The following AHDC1 variants were observed in gnomAD, a reference collection of about 807,000 sequenced individuals.
The protein encoded by AHDC1 is transcription factor Gibbin.
AHDC1 carries 7 observed loss-of-function variants against 87.9 expected under a neutral mutation model. The ratio of observed to expected loss-of-function variants is 0.08; its 90% CI spans 0.05 to 0.15. The LOEUF is 0.15. AHDC1 is among the 10% of genes least tolerant of loss of function. The probability of loss-of-function intolerance (pLI) is 1.00; values close to 1 mark genes in which losing one functional copy is unlikely to be tolerated. For synonymous variants in AHDC1, 1,051 were observed against 1,006.8 expected, an observed-to-expected ratio of 1.04 and a Z score of -0.83; for missense variants, 1,841 against 2,253.2, an observed-to-expected ratio of 0.82 and a Z score of 3.70.
chr1:27,566,319 A>G (rs560633302), intron 3 of AHDC1, among the ~76,000 whole-genome samples: 1 of 151,534 alleles, frequency 6.6e-6, no homozygotes, highest in Admixed American at 6.6e-5. Flanking sequence ...CCAGAGAGGG[A>G]GAGAGAGGGC....
rs569089076 is a variant in AHDC1, at chr1:27,560,240, G to A, written c.-628-1357C>T. On this transcript the variant is annotated intron_variant, in intron 3 of 8. Transcript: ENST00000673934. This position sits in a 1 kb window ranked among gnomAD's most constrained non-coding sequence, Gnocchi z 4.1. Reference sequence around the variant, plus strand: ...TGTGTGTGTGAGTCTAGCTAAGCCTGTTTGTGTGTGAGGACACAGGGGTGC... The same window carrying A: ...TGTGTGTGTGAGTCTAGCTAAGCCTATTTGTGTGTGAGGACACAGGGGTGC... 6.6e-6 allele frequency among the ~76,000 whole-genome samples: 1 copy of A among 152,008 alleles called. No homozygotes were observed. The highest frequency in any genetic ancestry group is 1.5e-5 in the Non-Finnish European group (1 of 67,954).
At chr1:27,604,204 G>C (rs1048432691), upstream of AHDC1, 18 of 151,550 alleles carry the variant, frequency 1.2e-4, no homozygotes, top group African/African-American at 4.1e-4. Context: ...GCGCGCGCGC[G>C]GCACGCCGGG....
chr1:27,546,074 T>C (rs1157461844), intron 8 of AHDC1, among the ~76,000 whole-genome samples: 1 of 152,198 alleles, frequency 6.6e-6, no homozygotes, highest in African/African-American at 2.4e-5. Flanking sequence ...GGATGGGACT[T>C]TCCAGGAGCC....
In AHDC1 at chr1:27,593,517, T is replaced by G. The variant is rs548839410; in HGVS notation, c.-629+9880A>C. On this transcript the variant is annotated intron_variant, in intron 3 of 8. Transcript: ENST00000673934. The surrounding 1 kb of genome is among the most constrained non-coding windows in gnomAD (Gnocchi z 4.9). ...CCTCAGAACCCTAAGACCCAGGCCC[T>G]GGCCCATTCCCTCTGGCCCTTGGTG... is the stretch of plus-strand genomic sequence containing the variant. 2.6e-4 allele frequency among the ~76,000 whole-genome samples: 39 copies of G among 152,300 alleles called. No individual in the cohort carries two copies. The highest frequency in any genetic ancestry group is 9.1e-4 in the African/African-American group (38 of 41,554).
At position 27,558,860 on chromosome 1, in the gene AHDC1, G is replaced by C; in HGVS notation, c.-605C>G. On this transcript the variant is annotated 5_prime_UTR_variant, in exon 4 of 9. Coordinates refer to ENST00000673934, the MANE Select transcript of AHDC1 (RefSeq NM_001371928.1). This position sits in a 1 kb window ranked among gnomAD's most constrained non-coding sequence, Gnocchi z 5.6. ...TGGGCTCTGGGGTCCAGGCCGATGG[G>C]TTGACAATCAGGCAAGCTCCCATCT... 1 of 398,708 alleles carries C rather than the reference G, an allele frequency of 2.5e-6. No homozygotes were observed. The highest frequency in any genetic ancestry group is 4.4e-5 in the Admixed American group (1 of 22,734). The allele number at this position is 398,708 out of a possible 1,614,324, so 24.7% of individuals were successfully genotyped here.
At chr1:27,592,899 G>A (rs1478462429) in intron 3 of AHDC1, among the ~76,000 whole-genome samples, 2 of 151,860 alleles carry the variant, frequency 1.3e-5, no homozygotes, top group Admixed American at 6.5e-5. Flanking sequence ...TGGGCCCCTG[G>A]CCCAAGCTCA....
chr1:27,597,314 G>A (rs2089402288), intron 3 of AHDC1, among the ~76,000 whole-genome samples: 1 of 151,966 alleles, frequency 6.6e-6, no homozygotes, highest in South Asian at 2.1e-4. Flanking sequence ...GTGTGAGGGT[G>A]GAGATTTACA....
At chr1:27,597,450 C>G (rs1274643864) in intron 3 of AHDC1, among the ~76,000 whole-genome samples, 1 of 152,008 alleles carries the variant, frequency 6.6e-6, no homozygotes, top group Non-Finnish European at 1.5e-5. Context: ...ATACGAGGGG[C>G]ATCCCCCGGG....
rs2089619597 is a variant in AHDC1, at chr1:27,604,132, C to A, written c.-889G>T. 1 of 157,248 alleles carries A rather than the reference C, an allele frequency of 6.4e-6. No homozygotes were observed. Among genetic ancestry groups the A allele is most frequent in the Non-Finnish European group, 1.4e-5 (1 of 71,338 alleles). The allele number at this position is 157,248 out of a possible 1,614,324, so 9.7% of individuals were successfully genotyped here. On this transcript the variant is annotated 5_prime_UTR_variant, in exon 1 of 9. Coordinates refer to ENST00000673934, the MANE Select transcript of AHDC1 (RefSeq NM_001371928.1). ...TGCCTCTCTCCGTCTCCGCCGCCGC[C>A]GCCGCTGCCTCTGCGAGCTCGCCTT... is the stretch of plus-strand genomic sequence containing the variant.
chr1:27,546,184 A>G (rs949850239), intron 8 of AHDC1, among the ~76,000 whole-genome samples: 1 of 152,182 alleles, frequency 6.6e-6, no homozygotes, highest in Admixed American at 6.5e-5. Context: ...CCCATCACCA[A>G]CCACCACATC....
intron 3 of AHDC1, among the ~76,000 whole-genome samples, chr1:27,576,921 A>G (rs2088769973): frequency 6.6e-6 from 1 of 152,228 alleles, no homozygotes; most frequent in Non-Finnish European, 1.5e-5. Context: ...ACACACACAT[A>G]TATACAGTGC....
At chr1:27,568,702 C>T (rs1430736275) in intron 3 of AHDC1, among the ~76,000 whole-genome samples, 4 of 151,758 alleles carry the variant, frequency 2.6e-5, no homozygotes, top group Admixed American at 2.0e-4. Context: ...TTCCCCCGGC[C>T]GCGGCGCGGG....
At chr1:27,555,584 G>C (rs1214608227) in intron 5 of AHDC1, among the ~76,000 whole-genome samples, 1 of 152,216 alleles carries the variant, frequency 6.6e-6, no homozygotes, top group Non-Finnish European at 1.5e-5. Flanking sequence ...CCCTCACAGG[G>C]AGGACAGTGG....
chr1:27,578,153 G>A (rs944356816), intron 3 of AHDC1, among the ~76,000 whole-genome samples: 4 of 152,214 alleles, frequency 2.6e-5, no homozygotes, highest in African/African-American at 4.8e-5. Context: ...TGGCTAGTCA[G>A]AACTGGAATG....
intron 3 of AHDC1, among the ~76,000 whole-genome samples, chr1:27,575,173 CCCG>C (rs568285541): frequency 3.9e-5 from 6 of 152,128 alleles, no homozygotes; most frequent in Non-Finnish European, 8.8e-5. Flanking sequence ...TCCGAGTTTT[CCCG>C]CCGCCGCCGC....
intron 8 of AHDC1, among the ~76,000 whole-genome samples, chr1:27,544,703 T>C (rs974058929): frequency 2.0e-5 from 3 of 152,194 alleles, no homozygotes; most frequent in African/African-American, 7.2e-5. Context: ...CCCCTGGCAC[T>C]GGGGGGTTGC....
At chr1:27,578,227 C>T (rs1303844288) in intron 3 of AHDC1, among the ~76,000 whole-genome samples, 1 of 152,092 alleles carries the variant, frequency 6.6e-6, no homozygotes. Flanking sequence ...ATATAAAATA[C>T]CTCATTAATA....
intron 5 of AHDC1, among the ~76,000 whole-genome samples, chr1:27,556,862 A>G (rs2019838611): frequency 6.6e-6 from 1 of 151,850 alleles, no homozygotes; most frequent in Non-Finnish European, 1.5e-5. Flanking sequence ...GCTTCTAGTC[A>G]CCACCTCCCA....
Position 27,593,329 on chromosome 1 carries a change from C to T in AHDC1, c.-629+10068G>A, listed in dbSNP as rs766657729. ...CCTGCCTGCAGCAATCTTTAAAATT[C>T]CTCCAGCCCAACCTCTCTCCCTCTC... is the stretch of plus-strand genomic sequence containing the variant. On this transcript the variant is annotated intron_variant, in intron 3 of 8. Transcript: ENST00000673934. The surrounding 1 kb of genome is among the most constrained non-coding windows in gnomAD (Gnocchi z 4.9). Among the ~76,000 whole-genome samples the T allele has an allele frequency of 4.6e-5, 7 of 152,156 alleles. No individual in the cohort carries two copies. The highest frequency in any genetic ancestry group is 8.8e-5 in the Non-Finnish European group (6 of 68,004).
Sources: gnomAD v4.1 joint callset for allele counts (sites outside exome capture counted in the v4.1 genomes callset) on GRCh38, gnomAD v4.1.1 for gene constraint, Gnocchi (gnomAD v3.1) non-coding constraint, MANE v1.5 for transcripts, NCBI Gene and HGNC (gene_info 2026-07-23, HGNC 2026-07-21) for gene names.